PARD3B: variants seen among roughly 807,000 people sequenced by gnomAD.
The protein encoded by PARD3B is par-3 family cell polarity regulator beta, also known as partitioning defective 3 homolog B.
A neutral mutation model predicts 130.2 loss-of-function variants in PARD3B; 103 were observed. That is an observed-to-expected ratio of 0.79 (90% CI 0.67 to 0.93). The LOEUF (loss-of-function observed/expected upper bound fraction) is 0.93. PARD3B is among the 40% of genes least tolerant of loss of function. PARD3B has a pLI of 0.00. For synonymous variants in PARD3B, 583 were observed against 553.2 expected, an observed-to-expected ratio of 1.05 and a Z score of -0.76; for missense variants, 1,609 against 1,499.2, an observed-to-expected ratio of 1.07 and a Z score of -1.21.
chr2:205,443,504 A>G (rs1458378000), intron 20 of PARD3B, among the ~76,000 whole-genome samples: 1 of 152,218 alleles, frequency 6.6e-6, no homozygotes, highest in Non-Finnish European at 1.5e-5. Context: ...TGTCTTGTAA[A>G]TAGAAGGAAA....
intron 2 of PARD3B, among the ~76,000 whole-genome samples, chr2:204,958,174 T>C (rs1479067678): frequency 6.6e-6 from 1 of 152,190 alleles, no homozygotes; most frequent in African/African-American, 2.4e-5. Context: ...TTCTTTTTTA[T>C]TTTCTACATA....
chr2:204,749,245 A>G (rs1177802922), intron 2 of PARD3B, among the ~76,000 whole-genome samples: 1 of 152,124 alleles, frequency 6.6e-6, no homozygotes, highest in Admixed American at 6.6e-5. Context: ...CATGGTTTCT[A>G]AGGGTATTGA....
chr2:204,653,759 C>A (rs1203994084), intron 1 of PARD3B, among the ~76,000 whole-genome samples: 2 of 136,988 alleles, frequency 1.5e-5, no homozygotes, highest in African/African-American at 5.9e-5. Flanking sequence ...CCACTCCAGT[C>A]TGGGTGATGG....
At chr2:205,025,385 C>G (rs1241361643) in intron 3 of PARD3B, among the ~76,000 whole-genome samples, 4 of 152,212 alleles carry the variant, frequency 2.6e-5, no homozygotes, top group Admixed American at 1.3e-4. Flanking sequence ...GACCGTGTGA[C>G]ACATGCACAG....
chr2:204,904,348 AC>A (rs66914043), intron 2 of PARD3B, among the ~76,000 whole-genome samples: 41,217 of 152,048 alleles, frequency 0.27, 9,813 homozygotes, highest in African/African-American at 0.65. Context: ...CCACAGACGT[AC>A]CTTGTGCATG....
chr2:205,466,165 G>A (rs543040534), intron 20 of PARD3B, among the ~76,000 whole-genome samples: 5 of 152,304 alleles, frequency 3.3e-5, no homozygotes, highest in Admixed American at 6.5e-5. Flanking sequence ...GGACCACACT[G>A]TGCTTAGCAA....
intron 11 of PARD3B, among the ~76,000 whole-genome samples, chr2:205,169,535 A>T (rs976973010): frequency 3.9e-5 from 6 of 152,232 alleles, no homozygotes; most frequent in African/African-American, 9.6e-5. Context: ...CTTCACAGAA[A>T]AGGTTCACAA....
At chr2:205,251,439 TA>T (rs2039845098) in intron 16 of PARD3B, among the ~76,000 whole-genome samples, 1 of 152,210 alleles carries the variant, frequency 6.6e-6, no homozygotes. Flanking sequence ...CATTTTGTTC[TA>T]AATGCAATGT....
intron 22 of PARD3B, among the ~76,000 whole-genome samples, chr2:205,597,184 C>CTTGTAG (rs2054603252): frequency 6.6e-6 from 1 of 152,098 alleles, no homozygotes; most frequent in Non-Finnish European, 1.5e-5. Context: ...AGCCCTCACT[C>CTTGTAG]TCTACTCTTG....
Position 205,300,764 on chromosome 2 carries a change from T to C in PARD3B, c.2392+28T>C. 1.3e-6 allele frequency: 2 copies of C among 1,587,290 alleles called. No homozygotes were observed. Among genetic ancestry groups the C allele is most frequent in the Non-Finnish European group, 1.7e-6 (2 of 1,158,596 alleles). ...AGGATGATATGCTTCCTTAAATGGC[T>C]TCTTCATCTCATTATTATCTGCAAA... is the stretch of plus-strand genomic sequence containing the variant. On this transcript the variant is annotated intron_variant, in intron 17 of 22. Transcript: ENST00000406610. This position sits in a 1 kb window ranked among gnomAD's most constrained non-coding sequence, Gnocchi z 4.1.
chr2:204,623,522 A>G lies in PARD3B; in HGVS notation c.121-62659A>G, dbSNP rs1284430649. The stretch of plus-strand genomic sequence containing the variant: ...TTTTGTCAATTAGAGTGTGTTGTGT[A>G]ACTGAAATTATGCAGTCCATGACCT... On this transcript the variant is annotated intron_variant, in intron 1 of 22. Coordinates refer to ENST00000406610, the MANE Select transcript of PARD3B (RefSeq NM_001302769.2). This position sits in a 1 kb window ranked among gnomAD's most constrained non-coding sequence, Gnocchi z 4.5. Among the ~76,000 whole-genome samples, 1 of 152,138 alleles carries G rather than the reference A, an allele frequency of 6.6e-6. No individual in the cohort carries two copies. Among genetic ancestry groups the G allele is most frequent in the Non-Finnish European group, 1.5e-5 (1 of 68,018 alleles).
In PARD3B at chr2:205,291,223, C is replaced by A. The variant is rs2041596631; in HGVS notation, c.2186-9307C>A. Among the ~76,000 whole-genome samples the A allele has an allele frequency of 6.6e-6, 1 of 151,944 alleles. No individual in the cohort carries two copies. On this transcript the variant is annotated intron_variant, in intron 16 of 22. Transcript: ENST00000406610. This position sits in a 1 kb window ranked among gnomAD's most constrained non-coding sequence, Gnocchi z 4.6. ...GGTGATTCTGGCAAGGGCTCCAAAGCAAAACAAAAACAAACAAAAAAAGCA... is the reference window on the plus strand; with the variant it reads ...GGTGATTCTGGCAAGGGCTCCAAAGAAAAACAAAAACAAACAAAAAAAGCA...
At chr2:205,602,826 A>AT (rs903530106) in intron 22 of PARD3B, among the ~76,000 whole-genome samples, 3 of 151,644 alleles carry the variant, frequency 2.0e-5, no homozygotes, top group South Asian at 2.1e-4. Context: ...GGATTCATTG[A>AT]TTTTTTTTGA....
chr2:205,285,411 C>T (rs757789380), intron 16 of PARD3B, among the ~76,000 whole-genome samples: 1 of 152,100 alleles, frequency 6.6e-6, no homozygotes, highest in Non-Finnish European at 1.5e-5. Context: ...GATATAAGTC[C>T]CTGCCTTGCC....
intron 2 of PARD3B, among the ~76,000 whole-genome samples, chr2:204,927,846 A>G (rs866234443): frequency 1.3e-5 from 2 of 151,734 alleles, no homozygotes; most frequent in Non-Finnish European, 2.9e-5. Flanking sequence ...GTACGTAGGT[A>G]GGTAGGTAGG....
chr2:205,145,605 T>C (rs2033294797), intron 10 of PARD3B, among the ~76,000 whole-genome samples: 1 of 152,170 alleles, frequency 6.6e-6, no homozygotes, highest in East Asian at 1.9e-4. Context: ...GCTGGTGACC[T>C]ACAAGGTATC....
intron 4 of PARD3B, among the ~76,000 whole-genome samples, chr2:205,093,687 G>A (rs1702241792): frequency 6.6e-6 from 1 of 152,142 alleles, no homozygotes; most frequent in African/African-American, 2.4e-5. Flanking sequence ...CCTACTTGGA[G>A]CTTACATTTT....
intron 18 of PARD3B, among the ~76,000 whole-genome samples, chr2:205,332,444 G>C (rs946739103): frequency 6.6e-6 from 1 of 152,158 alleles, no homozygotes; most frequent in African/African-American, 2.4e-5. Context: ...AAAGAAAGGA[G>C]GTGGAAGAGG....
intron 19 of PARD3B, among the ~76,000 whole-genome samples, chr2:205,434,295 A>G (rs1275383245): frequency 6.6e-6 from 1 of 152,146 alleles, no homozygotes; most frequent in Non-Finnish European, 1.5e-5. Context: ...TTTTCATTGA[A>G]TGATAATTAC....
Sources: allele counts gnomAD v4.1 joint callset (sites outside exome capture counted in the v4.1 genomes callset), GRCh38; gene constraint gnomAD v4.1.1; non-coding constraint Gnocchi (gnomAD v3.1); transcripts MANE v1.5; gene names NCBI Gene and HGNC (gene_info 2026-07-23, HGNC 2026-07-21).